MCCC2: variants seen among roughly 807,000 people sequenced by gnomAD.
MCCC2 encodes the protein methylcrotonyl-CoA carboxylase subunit 2.
In MCCC2, 52 loss-of-function variants were observed where a neutral mutation model predicts 77.2. The observed-to-expected ratio is 0.67, with a 90% CI of 0.54 to 0.85. The LOEUF (loss-of-function observed/expected upper bound fraction) is 0.85. Among genes scored for constraint, MCCC2 ranks in the 40% least tolerant of loss-of-function variants. The probability of loss-of-function intolerance (pLI) is 0.00; values close to 1 mark genes in which losing one functional copy is unlikely to be tolerated. For synonymous variants in MCCC2, 253 were observed against 248.4 expected (o/e 1.02, Z -0.18); for missense variants, 682 against 703.2 (o/e 0.97, Z 0.34).
intron 10 of MCCC2, chr5:71,635,451 G>A: frequency 1.5e-6 from 1 of 647,738 alleles, no homozygotes; most frequent in Non-Finnish European, 2.8e-6. Context: ...AGGGGAGTGG[G>A]GGACCTCAAT....
intron 1 of MCCC2, among the ~76,000 whole-genome samples, chr5:71,591,729 G>A (rs961325137): frequency 4.6e-5 from 7 of 151,484 alleles, no homozygotes; most frequent in African/African-American, 7.3e-5. Flanking sequence ...GAGCCACCAC[G>A]GCTGGCCGAG....
At chr5:71,598,045 T>G (rs1745258313) in intron 3 of MCCC2, among the ~76,000 whole-genome samples, 2 of 152,010 alleles carry the variant, frequency 1.3e-5, no homozygotes, top group Non-Finnish European at 2.9e-5. Flanking sequence ...AGAAGGTGGT[T>G]CTAAGGAGGA....
chr5:71,602,874 TTG>T (rs767094423), intron 5 of MCCC2: 48 of 553,276 alleles, frequency 8.7e-5, no homozygotes, highest in Admixed American at 3.5e-5. Context: ...TCTCTATGTG[TTG>T]TGTGGTTTTT....
At position 71,601,773 on chromosome 5, in the gene MCCC2, A is replaced by G. The variant is rs921488948; in HGVS notation, c.384-733A>G. ...GCACACTGTTGTCATCTCAGATTTC[A>G]AGGGTACCTCTGACCTTAAGGTTTC... On this transcript the variant is annotated intron_variant, in intron 4 of 16. Coordinates refer to ENST00000340941, the MANE Select transcript of MCCC2 (RefSeq NM_022132.5). Among the ~76,000 whole-genome samples the G allele has an allele frequency of 4.6e-5, 7 of 152,286 alleles. No homozygotes were observed. In the East Asian group the frequency reaches 1.4e-3, roughly 29 times the overall value.
intron 6 of MCCC2, among the ~76,000 whole-genome samples, chr5:71,624,490 G>T (rs566664836): frequency 6.6e-6 from 1 of 151,486 alleles, no homozygotes; most frequent in South Asian, 2.1e-4. Context: ...CCATTCTCCT[G>T]CCTCAGCCTC....
Position 71,587,494 on chromosome 5 carries a change from TC to T in MCCC2, c.70del (p.His24ThrfsTer26). 6.5e-7 allele frequency: 1 copy of T among 1,537,960 alleles called. No individual in the cohort carries two copies. The highest frequency in any genetic ancestry group is 1.4e-5 in the African/African-American group (1 of 73,234). On this transcript the variant is annotated frameshift_variant, in exon 1 of 17. Transcript: ENST00000340941. LOFTEE classifies it high-confidence loss of function. ...RASPAGPRAY[H>X]GDSVASLGTQ... ...CCTCTCCCGCCGGGCCGCGCGCCTA[TC>T]ACGGGGACTCGGTGGCCTCGCTGGG...
chr5:71,655,776 C>T (rs1444696756), intron 16 of MCCC2, among the ~76,000 whole-genome samples: 2 of 152,064 alleles, frequency 1.3e-5, no homozygotes, highest in Admixed American at 6.5e-5. Flanking sequence ...AGTCATTTTT[C>T]GTTATACATT....
At position 71,644,032 on chromosome 5, in the gene MCCC2, C is replaced by CTTGTGTGTGTGTGT; in HGVS notation, c.1149+137_1149+138insTTGTGTGTGTGTGT. ...GCAACCAGAACACTGTGTGCGCGGGCATGTGTGTGTGTGTGTGTGTGTGTG... is the reference window on the plus strand; with the variant it reads ...GCAACCAGAACACTGTGTGCGCGGGCTTGTGTGTGTGTGTATGTGTGTGTGTGTGTGTGTGTGTG... On this transcript the variant is annotated intron_variant, in intron 12 of 16. Coordinates refer to ENST00000340941, the MANE Select transcript of MCCC2 (RefSeq NM_022132.5). 5 of 538,732 alleles carry CTTGTGTGTGTGTGT rather than the reference C, an allele frequency of 9.3e-6. No individual in the cohort carries two copies. In the East Asian group the frequency reaches 1.6e-4, roughly 17 times the overall value. 33.4% of individuals were successfully genotyped at this position (538,732 alleles called of 1,614,324 possible). A position where few individuals can be genotyped will look rare whatever the true frequency, so the allele number is the denominator to read the frequency against.
At position 71,604,343 on chromosome 5, in the gene MCCC2, T is replaced by G; in HGVS notation, c.512-13T>G. 1.2e-6 allele frequency: 2 copies of G among 1,608,668 alleles called. No individual in the cohort carries two copies. Among genetic ancestry groups the G allele is most frequent in the South Asian group, 1.1e-5 (1 of 90,988 alleles). On this transcript the variant is annotated splice_polypyrimidine_tract_variant and intron_variant, in intron 5 of 16. Transcript: ENST00000340941. ...TCATAGAGATGCTTATGTTTCTCATTTCTTGTCTTCAGTTGATTCGGGAGG... is the reference window on the plus strand; with the variant it reads ...TCATAGAGATGCTTATGTTTCTCATGTCTTGTCTTCAGTTGATTCGGGAGG...
At chr5:71,605,896 G>A (rs567255009) in intron 6 of MCCC2, among the ~76,000 whole-genome samples, 10 of 151,980 alleles carry the variant, frequency 6.6e-5, no homozygotes, top group South Asian at 2.1e-4. Flanking sequence ...GGTATGCGGC[G>A]TTATTTCTGA....
chr5:71,622,955 C>T (rs943796515), intron 6 of MCCC2, among the ~76,000 whole-genome samples: 23 of 152,144 alleles, frequency 1.5e-4, no homozygotes, highest in African/African-American at 5.3e-4. Context: ...TTTTCCTTCG[C>T]TCTCTGGGAT....
intron 8 of MCCC2, 42 bp downstream of exon 8, chr5:71,632,227 TTTTG>T (rs775188530): frequency 9.4e-6 from 15 of 1,593,614 alleles, no homozygotes; most frequent in Admixed American, 3.3e-5. Context: ...TTGAGTGTCA[TTTTG>T]TTTGTTTGTT....
intron 7 of MCCC2, among the ~76,000 whole-genome samples, chr5:71,631,128 T>TG (rs1336948402): frequency 1.3e-5 from 2 of 152,170 alleles, no homozygotes; most frequent in African/African-American, 4.8e-5. Context: ...GCAGAGTTTG[T>TG]GATAGTAAAT....
At position 71,593,087 on chromosome 5, in the gene MCCC2, A is replaced by AT; in HGVS notation, c.196+96dup. Reference sequence around the variant, plus strand: ...GAAAAATACTGGAATTAAGCTTTTGATATTTTTTTTTTTTTTTTGAGATGG... The same window carrying AT: ...GAAAAATACTGGAATTAAGCTTTTGATTATTTTTTTTTTTTTTTTGAGATGG... On this transcript the variant is annotated intron_variant, in intron 2 of 16. Coordinates refer to ENST00000340941, the MANE Select transcript of MCCC2 (RefSeq NM_022132.5). 1.3e-5 allele frequency: 13 copies of AT among 1,037,316 alleles called. No individual in the cohort carries two copies. The East Asian group carries it at 2.7e-4, about 22-fold the overall frequency. 64.3% of individuals were successfully genotyped at this position (1,037,316 alleles called of 1,614,324 possible). A position where few individuals can be genotyped will look rare whatever the true frequency, so the allele number is the denominator to read the frequency against.
At chr5:71,624,200 A>G (rs1746458175) in intron 6 of MCCC2, among the ~76,000 whole-genome samples, 1 of 152,038 alleles carries the variant, frequency 6.6e-6, no homozygotes, top group Non-Finnish European at 1.5e-5. Context: ...TCATGACTTC[A>G]TCCCACCAAA....
At chr5:71,608,872 T>C (rs1202981337) in intron 6 of MCCC2, among the ~76,000 whole-genome samples, 2 of 152,214 alleles carry the variant, frequency 1.3e-5, no homozygotes, top group Non-Finnish European at 2.9e-5. Context: ...CAAATTCTTT[T>C]CTTTAAGAAT....
intron 8 of MCCC2, 70 bp from the exon 9 acceptor site, chr5:71,634,873 C>T (rs988394384): frequency 7.3e-7 from 1 of 1,363,580 alleles, no homozygotes. Flanking sequence ...AGAGAAGATA[C>T]TTGGGACCTG....
chr5:71,637,533 G>C (rs1004284662), intron 10 of MCCC2, among the ~76,000 whole-genome samples: 1 of 152,186 alleles, frequency 6.6e-6, no homozygotes, highest in Admixed American at 6.5e-5. Context: ...ATCTTTTGCT[G>C]GTGGAGGGTC....
chr5:71,598,594 C>T (rs1426917098), intron 3 of MCCC2, among the ~76,000 whole-genome samples: 5 of 150,406 alleles, frequency 3.3e-5, no homozygotes, highest in African/African-American at 9.8e-5. Flanking sequence ...CACGTGCCTC[C>T]ACGCCTGGCT....
Sources: gnomAD v4.1 joint callset for allele counts (sites outside exome capture counted in the v4.1 genomes callset) on GRCh38, gnomAD v4.1.1 for gene constraint, MANE v1.5 for transcripts, NCBI Gene and HGNC (gene_info 2026-07-23, HGNC 2026-07-21) for gene names.